The following CCNY variants were observed in gnomAD, a reference collection of about 807,000 sequenced individuals.
CCNY encodes cyclin-Y.
Under a neutral mutation model 42.8 loss-of-function variants are expected in CCNY, and 19 were observed. That is an observed-to-expected ratio of 0.44 (90% confidence interval 0.31 to 0.65). The LOEUF (loss-of-function observed/expected upper bound fraction) is 0.65. Ranked by LOEUF, CCNY falls within the 30% of genes least tolerant of loss-of-function variation. The pLI is 0.07. For missense variants in CCNY, 370 were observed against 437.3 expected, an observed-to-expected ratio of 0.85 and a Z score of 1.37; for synonymous variants, 165 against 162.7, an observed-to-expected ratio of 1.01 and a Z score of -0.11.
intron 1 of CCNY, among the ~76,000 whole-genome samples, chr10:35,343,185 G>A (rs1836223320): frequency 6.6e-6 from 1 of 151,484 alleles, no homozygotes; most frequent in Admixed American, 6.6e-5. Flanking sequence ...TGTATTTTTA[G>A]TAGAGATGGG....
intron 3 of CCNY, among the ~76,000 whole-genome samples, chr10:35,292,416 T>C (rs112796020): frequency 1.5e-3 from 228 of 152,330 alleles, no homozygotes; most frequent in African/African-American, 5.0e-3. Flanking sequence ...CAGGCTGGAG[T>C]GCAGTGGCAC....
chr10:35,538,848 T>G (rs951641757), intron 7 of CCNY, among the ~76,000 whole-genome samples: 1 of 152,240 alleles, frequency 6.6e-6, no homozygotes, highest in African/African-American at 2.4e-5. Context: ...TATCTAAGAA[T>G]CATTGCATAA....
At chr10:35,284,475 T>A (rs1273325461) in intron 3 of CCNY, among the ~76,000 whole-genome samples, 5 of 152,232 alleles carry the variant, frequency 3.3e-5, no homozygotes, top group Admixed American at 3.3e-4. Context: ...TGGAGGGATA[T>A]CCTTCCCTTA....
At chr10:35,544,490 A>C (rs1226648646) in intron 7 of CCNY, among the ~76,000 whole-genome samples, 3 of 152,202 alleles carry the variant, frequency 2.0e-5, no homozygotes, top group Non-Finnish European at 2.9e-5. Flanking sequence ...ACTCTATGGT[A>C]TTCCCACAAG....
chr10:35,481,315 C>A (rs1177200068), intron 1 of CCNY, among the ~76,000 whole-genome samples: 1 of 152,146 alleles, frequency 6.6e-6, no homozygotes, highest in African/African-American at 2.4e-5. Flanking sequence ...GGCTTGTGAA[C>A]ATAACAGCAT....
At chr10:35,557,732 A>T (rs1289766736) in intron 8 of CCNY, among the ~76,000 whole-genome samples, 1 of 152,216 alleles carries the variant, frequency 6.6e-6, no homozygotes, top group Admixed American at 6.5e-5. Flanking sequence ...CTCCAGCCTT[A>T]GCAACAGAGC....
intron 1 of CCNY, among the ~76,000 whole-genome samples, chr10:35,437,431 G>A (rs1838561647): frequency 6.6e-6 from 1 of 152,078 alleles, no homozygotes; most frequent in Non-Finnish European, 1.5e-5. Flanking sequence ...GAGAGGGGAG[G>A]ATCACTTAAG....
chr10:35,519,104 T>C (rs934204491), intron 4 of CCNY, among the ~76,000 whole-genome samples: 1 of 151,628 alleles, frequency 6.6e-6, no homozygotes, highest in Non-Finnish European at 1.5e-5. Context: ...GGCTGAGGTA[T>C]GCTGTGAGTA....
rs569517495 is a variant in CCNY at position 35,447,263 on chromosome 10, C to T, written c.155-36141C>T. Among the ~76,000 whole-genome samples the T allele has an allele frequency of 1.5e-4, 23 of 152,264 alleles. No individual in the cohort carries two copies. In the South Asian group the frequency reaches 2.1e-3, roughly 14 times the overall value. On this transcript the variant is annotated intron_variant, in intron 1 of 9. Coordinates refer to ENST00000374704, the MANE Select transcript of CCNY (RefSeq NM_145012.6). ...CCGCACTCCAGCCTGTGTGACAGAG[C>T]GAGACTCCATCTAAGAAAGCTGGTT...
intron 3 of CCNY, among the ~76,000 whole-genome samples, chr10:35,506,643 A>G (rs1264221174): frequency 6.6e-6 from 1 of 152,202 alleles, no homozygotes; most frequent in Non-Finnish European, 1.5e-5. Context: ...GGTCCATTCA[A>G]ATACAGGGCA....
chr10:35,463,078 A>G (rs1365356729), intron 1 of CCNY, among the ~76,000 whole-genome samples: 2 of 152,214 alleles, frequency 1.3e-5, no homozygotes, highest in East Asian at 1.9e-4. Flanking sequence ...CCTGATCTTC[A>G]TGGCTTCTAA....
intron 7 of CCNY, among the ~76,000 whole-genome samples, chr10:35,549,373 T>C (rs1047835388): frequency 2.5e-4 from 38 of 151,874 alleles, no homozygotes; most frequent in Non-Finnish European, 2.9e-5. Context: ...TCATGGCTTA[T>C]GACCCTACAG....
At chr10:35,453,793 T>C (rs901765083) in intron 1 of CCNY, among the ~76,000 whole-genome samples, 21 of 152,198 alleles carry the variant, frequency 1.4e-4, no homozygotes, top group African/African-American at 4.3e-4. Context: ...CATATTGATG[T>C]TTTACTGCTA....
At chr10:35,375,934 A>G (rs1236366844) in intron 1 of CCNY, among the ~76,000 whole-genome samples, 1 of 152,188 alleles carries the variant, frequency 6.6e-6, no homozygotes, top group Admixed American at 6.5e-5. Context: ...TTGTGGCTTG[A>G]GAGCCCCAGG....
intron 1 of CCNY, among the ~76,000 whole-genome samples, chr10:35,426,986 C>T (rs971790735): frequency 6.6e-6 from 1 of 152,224 alleles, no homozygotes; most frequent in Admixed American, 6.5e-5. Context: ...GTTGGAACCA[C>T]AGTATCAGAA....
In CCNY at chr10:35,393,784, T is replaced by C. The variant is rs1837466109; in HGVS notation, c.154+56577T>C. Among the ~76,000 whole-genome samples the C allele has an allele frequency of 2.6e-5, 4 of 152,238 alleles. No homozygotes were observed. The South Asian group carries it at 8.3e-4, about 32-fold the overall frequency. On this transcript the variant is annotated intron_variant, in intron 1 of 9. Transcript: ENST00000374704. ...GAGGGAAAGGGCAGATGGCTGTGTG[T>C]GGACTGTTAAAGCAGTGTGTGGGCA... is the stretch of plus-strand genomic sequence containing the variant.
intron 3 of CCNY, chr10:35,289,570 T>C (rs1835388578): frequency 6.6e-6 from 1 of 152,184 alleles, no homozygotes; most frequent in African/African-American, 2.4e-5. Context: ...TTGTTGACTA[T>C]GAATGTTGCT....
At chr10:35,482,588 A>G (rs982750135) in intron 1 of CCNY, among the ~76,000 whole-genome samples, 1 of 152,166 alleles carries the variant, frequency 6.6e-6, no homozygotes, top group Non-Finnish European at 1.5e-5. Context: ...CTGCCAGTAA[A>G]GCAGAGAGGG....
intron 1 of CCNY, among the ~76,000 whole-genome samples, chr10:35,428,626 G>A (rs925766248): frequency 6.6e-6 from 1 of 152,104 alleles, no homozygotes; most frequent in African/African-American, 2.4e-5. Context: ...GAGAGAGAAT[G>A]GGGTAGACAG....
Sources: gnomAD v4.1 joint callset for allele counts (sites outside exome capture counted in the v4.1 genomes callset) on GRCh38, gnomAD v4.1.1 for gene constraint, MANE v1.5 for transcripts, NCBI Gene and HGNC (gene_info 2026-07-23, HGNC 2026-07-21) for gene names.